Variants in SGCZ observed in about 807,000 individuals in gnomAD.
The protein encoded by SGCZ is zeta-sarcoglycan.
SGCZ carries 40 observed loss-of-function variants against 41.3 expected under a neutral mutation model. The observed-to-expected ratio is 0.97, with a 90% CI of 0.75 to 1.26. The LOEUF (loss-of-function observed/expected upper bound fraction) is 1.26, where lower values mean the gene tolerates loss of function less well. SGCZ is among the 50% of genes most tolerant of loss of function. SGCZ has a pLI of 0.00. For synonymous variants in SGCZ, 206 were observed against 137.5 expected (o/e 1.50, Z -3.49); for missense variants, 552 against 369.8 (o/e 1.49, Z -4.04).
intron 3 of SGCZ, among the ~76,000 whole-genome samples, chr8:14,292,959 C>G (rs925134723): frequency 6.2e-4 from 94 of 151,970 alleles, no homozygotes; most frequent in African/African-American, 2.2e-3. Flanking sequence ...ATCTAGAAAA[C>G]TTTAAAAAGT....
chr8:14,732,823 A>G (rs1310878312), intron 1 of SGCZ, among the ~76,000 whole-genome samples: 2 of 152,206 alleles, frequency 1.3e-5, no homozygotes, highest in Non-Finnish European at 2.9e-5. Flanking sequence ...TCTTTAAAAA[A>G]AAGACATAAC....
chr8:14,906,336 A>G (rs1799120227), intron 1 of SGCZ, among the ~76,000 whole-genome samples: 1 of 152,116 alleles, frequency 6.6e-6, no homozygotes, highest in African/African-American at 2.4e-5. Context: ...AATACTCTTA[A>G]AAAGAGATTA....
At chr8:14,220,355 T>C (rs1414025435) in intron 4 of SGCZ, among the ~76,000 whole-genome samples, 3 of 152,074 alleles carry the variant, frequency 2.0e-5, no homozygotes, top group Non-Finnish European at 2.9e-5. Context: ...AAATAATGTA[T>C]CATATGTGAA....
intron 1 of SGCZ, among the ~76,000 whole-genome samples, chr8:14,844,810 C>T (rs1462479396): frequency 3.3e-5 from 5 of 152,118 alleles, no homozygotes; most frequent in Non-Finnish European, 1.5e-5. Flanking sequence ...ACAGTTTCAA[C>T]ATTTGGGACA....
chr8:14,491,832 C>T (rs1275229447), intron 2 of SGCZ, among the ~76,000 whole-genome samples: 2 of 140,484 alleles, frequency 1.4e-5, no homozygotes, highest in African/African-American at 5.4e-5. Flanking sequence ...TCATGTATTA[C>T]AACTGATTTA....
chr8:14,628,040 G>A (rs1018671047), intron 1 of SGCZ, among the ~76,000 whole-genome samples: 4 of 151,980 alleles, frequency 2.6e-5, no homozygotes, highest in Non-Finnish European at 5.9e-5. Flanking sequence ...TTAAGCATAG[G>A]CAGGCCTCAT....
At chr8:14,796,684 C>T (rs147060955) in intron 1 of SGCZ, among the ~76,000 whole-genome samples, 1,678 of 152,286 alleles carry the variant, frequency 0.011, 14 homozygotes, top group Non-Finnish European at 0.016. Flanking sequence ...TAAACATCAA[C>T]TCAACTGGGC....
intron 5 of SGCZ, among the ~76,000 whole-genome samples, chr8:14,109,439 A>C (rs1041851628): frequency 2.0e-5 from 3 of 152,184 alleles, no homozygotes; most frequent in African/African-American, 7.2e-5. Flanking sequence ...TATCACCCTC[A>C]AAATAAACTT....
intron 1 of SGCZ, among the ~76,000 whole-genome samples, chr8:14,744,493 C>T (rs1799287627): frequency 6.6e-6 from 1 of 152,160 alleles, no homozygotes; most frequent in South Asian, 2.1e-4. Flanking sequence ...GGACCCCATT[C>T]CAACTTCCTT....
At chr8:14,536,494 C>A (rs1803300607) in intron 2 of SGCZ, among the ~76,000 whole-genome samples, 1 of 151,498 alleles carries the variant, frequency 6.6e-6, no homozygotes, top group Non-Finnish European at 1.5e-5. Context: ...CAAATAAAAC[C>A]ATTTCCTTAG....
At chr8:14,986,567 T>C (rs1374839309) in intron 1 of SGCZ, among the ~76,000 whole-genome samples, 1 of 152,132 alleles carries the variant, frequency 6.6e-6, no homozygotes, top group Non-Finnish European at 1.5e-5. Flanking sequence ...CAGGTAGAAA[T>C]CTGAAATAGT....
intron 4 of SGCZ, among the ~76,000 whole-genome samples, chr8:14,173,575 C>T (rs1288840131): frequency 1.3e-5 from 2 of 151,942 alleles, no homozygotes; most frequent in African/African-American, 4.8e-5. Flanking sequence ...AATGAAGCAG[C>T]AGAGATAAAT....
intron 1 of SGCZ, among the ~76,000 whole-genome samples, chr8:14,556,573 T>C (rs1207466447): frequency 6.6e-6 from 1 of 152,044 alleles, no homozygotes; most frequent in Non-Finnish European, 1.5e-5. Context: ...TTGTAGCCTT[T>C]TCTCGTTCAC....
At chr8:14,613,400 C>T (rs1202422019) in intron 1 of SGCZ, among the ~76,000 whole-genome samples, 1 of 151,932 alleles carries the variant, frequency 6.6e-6, no homozygotes, top group African/African-American at 2.4e-5. Flanking sequence ...GCAAAATACC[C>T]TAGTATAATA....
chr8:14,404,430 C>T (rs1006125135), intron 2 of SGCZ, among the ~76,000 whole-genome samples: 1 of 152,048 alleles, frequency 6.6e-6, no homozygotes, highest in African/African-American at 2.4e-5. Context: ...TTCAAAGAGG[C>T]AGGGGAGAAA....
At chr8:14,155,118 A>G (rs1803837618) in intron 5 of SGCZ, among the ~76,000 whole-genome samples, 1 of 152,188 alleles carries the variant, frequency 6.6e-6, no homozygotes, top group Non-Finnish European at 1.5e-5. Flanking sequence ...TAGACAATGA[A>G]TCCAATCTAG....
At chr8:14,973,273 T>C (rs895331107) in intron 1 of SGCZ, among the ~76,000 whole-genome samples, 48 of 152,190 alleles carry the variant, frequency 3.2e-4, no homozygotes, top group South Asian at 6.2e-4. Flanking sequence ...TACCCCATCA[T>C]CTCCCAGTCT....
At chr8:14,246,480 A>G (rs1799095037) in intron 3 of SGCZ, among the ~76,000 whole-genome samples, 1 of 152,028 alleles carries the variant, frequency 6.6e-6, no homozygotes, top group African/African-American at 2.4e-5. Flanking sequence ...TAGCATTAGG[A>G]GATATACCTA....
intron 1 of SGCZ, among the ~76,000 whole-genome samples, chr8:14,820,864 T>A (rs1802054971): frequency 7.4e-6 from 1 of 134,352 alleles, no homozygotes; most frequent in African/African-American, 3.1e-5. Flanking sequence ...AATAAACCCC[T>A]AGATCAAAAA....
Sources: allele counts gnomAD v4.1 joint callset (sites outside exome capture counted in the v4.1 genomes callset), GRCh38; gene constraint gnomAD v4.1.1; transcripts MANE v1.5; gene names NCBI Gene and HGNC (gene_info 2026-07-23, HGNC 2026-07-21).